Variants in IMPA2 observed in about 807,000 individuals in gnomAD.
IMPA2 encodes the protein IMP 2.
In IMPA2, 32 loss-of-function variants were observed where a neutral mutation model predicts 35.1. The ratio of observed to expected loss-of-function variants is 0.91; its 90% confidence interval spans 0.69 to 1.23. The LOEUF (loss-of-function observed/expected upper bound fraction) is 1.23. Among genes scored for constraint, IMPA2 ranks in the 50% most tolerant of loss-of-function variants. The pLI, the probability that IMPA2 is intolerant of heterozygous loss-of-function variation, is 0.00. For missense variants in IMPA2, 334 were observed against 387.6 expected, an observed-to-expected ratio of 0.86 and a Z score of 1.16; for synonymous variants, 135 against 160.6, an observed-to-expected ratio of 0.84 and a Z score of 1.20.
intron 5 of IMPA2, among the ~76,000 whole-genome samples, chr18:12,015,829 C>G (rs1285987599): frequency 6.6e-6 from 1 of 152,230 alleles, no homozygotes; most frequent in African/African-American, 2.4e-5. Context: ...TGCTACTAAG[C>G]ATGCTCGGGT....
At chr18:12,028,673 G>A (rs1303211371) in intron 6 of IMPA2, 169 bp from the exon 7 acceptor site, 3 of 755,546 alleles carry the variant, frequency 4.0e-6, no homozygotes, top group African/African-American at 1.8e-5. Flanking sequence ...AGGCCTGTTG[G>A]TTGGTGGCTC....
At chr18:12,024,185 TG>T (rs1415880593) in intron 5 of IMPA2, among the ~76,000 whole-genome samples, 2 of 152,220 alleles carry the variant, frequency 1.3e-5, no homozygotes, top group Non-Finnish European at 2.9e-5. Flanking sequence ...GTATATGAGA[TG>T]TTTTTATATT....
At position 11,981,548 on chromosome 18, in the gene IMPA2, A is replaced by G. The variant is rs1020293066; in HGVS notation, c.-122A>G. On this transcript the variant is annotated 5_prime_UTR_variant, in exon 1 of 8. Transcript: ENST00000269159. ...GCAGGTGTGGGACGGGCGGCGGACT[A>G]GGCACAGAGCTGCGGGAGCAGGCAC... 9 of 592,284 alleles carry G rather than the reference A, an allele frequency of 1.5e-5. No individual in the cohort carries two copies. The highest frequency in any genetic ancestry group is 8.8e-5 in the South Asian group (1 of 11,378). The allele number at this position is 592,284 out of a possible 1,614,324, so 36.7% of individuals were successfully genotyped here. A position where few individuals can be genotyped will look rare whatever the true frequency, so the allele number is the denominator to read the frequency against.
intron 1 of IMPA2, among the ~76,000 whole-genome samples, chr18:11,982,199 A>T (rs1352478856): frequency 6.6e-6 from 1 of 152,070 alleles, no homozygotes; most frequent in African/African-American, 2.4e-5. Flanking sequence ...CCTCAACCCA[A>T]ACTTACTCTG....
chr18:12,001,989 C>A (rs1907128624), intron 2 of IMPA2, among the ~76,000 whole-genome samples: 1 of 152,318 alleles, frequency 6.6e-6, no homozygotes, highest in African/African-American at 2.4e-5. Context: ...AGCAGCTGTT[C>A]TCTTCTCTGC....
chr18:11,997,863 T>G (rs1040552573), intron 1 of IMPA2, among the ~76,000 whole-genome samples: 1 of 152,232 alleles, frequency 6.6e-6, no homozygotes, highest in Admixed American at 6.5e-5. Context: ...ACCAAGTTGT[T>G]AAGACAGACA....
intron 5 of IMPA2, among the ~76,000 whole-genome samples, chr18:12,017,345 G>T (rs1445242604): frequency 6.6e-6 from 1 of 152,162 alleles, no homozygotes; most frequent in Admixed American, 6.5e-5. Flanking sequence ...CAGTACTTCA[G>T]CGTGTCTCCA....
chr18:12,001,228 C>T (rs780050000), intron 2 of IMPA2, among the ~76,000 whole-genome samples: 7 of 151,534 alleles, frequency 4.6e-5, no homozygotes, highest in African/African-American at 9.7e-5. Flanking sequence ...GACTCTGTCT[C>T]GAAAAATAAA....
intron 2 of IMPA2, among the ~76,000 whole-genome samples, chr18:12,005,755 C>T (rs1045129925): frequency 3.3e-5 from 5 of 152,154 alleles, no homozygotes; most frequent in African/African-American, 7.2e-5. Flanking sequence ...GGTGCTGCAG[C>T]GTGAGTTGTC....
At chr18:12,007,009 A>G (rs1234149411) in intron 2 of IMPA2, among the ~76,000 whole-genome samples, 1 of 152,224 alleles carries the variant, frequency 6.6e-6, no homozygotes, top group Non-Finnish European at 1.5e-5. Flanking sequence ...GCACGCCTGT[A>G]ATCCCAGCTA....
At chr18:11,990,689 C>T (rs1047104569) in intron 1 of IMPA2, among the ~76,000 whole-genome samples, 2 of 152,098 alleles carry the variant, frequency 1.3e-5, no homozygotes, top group African/African-American at 4.8e-5. Context: ...GCTCATGCAG[C>T]TGGCTGGCTC....
intron 7 of IMPA2, 56 bp downstream of exon 7, chr18:12,029,049 G>C: frequency 6.5e-7 from 1 of 1,534,960 alleles, no homozygotes; most frequent in South Asian, 1.2e-5. Context: ...GAGACACTGT[G>C]GGTGGGGCAC....
chr18:11,993,051 A>G (rs1176290220), intron 1 of IMPA2, among the ~76,000 whole-genome samples: 6 of 148,060 alleles, frequency 4.1e-5, no homozygotes, highest in Non-Finnish European at 8.9e-5. Context: ...AAGTCATTAG[A>G]TTTTCTCAGA....
intron 2 of IMPA2, 34 bp from the exon 3 acceptor site, chr18:12,009,849 G>T (rs1293753230): frequency 6.5e-7 from 1 of 1,532,060 alleles, no homozygotes; most frequent in Non-Finnish European, 9.0e-7. Flanking sequence ...TGTGTCCTTG[G>T]TGCATTTTCT....
At chr18:11,984,763 C>T (rs7407928) in intron 1 of IMPA2, among the ~76,000 whole-genome samples, 1 of 151,668 alleles carries the variant, frequency 6.6e-6, no homozygotes, top group Non-Finnish European at 1.5e-5. Flanking sequence ...GTCAGGAGAT[C>T]AAGACCATCC....
At chr18:11,994,235 G>A (rs541348781) in intron 1 of IMPA2, 1 of 152,230 alleles carries the variant, frequency 6.6e-6, no homozygotes, top group East Asian at 1.9e-4. Flanking sequence ...AATGATCCGG[G>A]TGTGGTGGTG....
chr18:12,014,177 G>A lies in IMPA2; in HGVS notation c.382-88G>A, dbSNP rs188275489. Reference sequence around the variant, plus strand: ...GTAATGTGTTATCCTAACGCCTAGCGCAGCCTTCATCTTTGAATAACAATG... The same window carrying A: ...GTAATGTGTTATCCTAACGCCTAGCACAGCCTTCATCTTTGAATAACAATG... On this transcript the variant is annotated intron_variant, in intron 4 of 7. Coordinates refer to ENST00000269159, the MANE Select transcript of IMPA2 (RefSeq NM_014214.3). 103 of 893,770 alleles carry A rather than the reference G, an allele frequency of 1.2e-4. No homozygotes were observed. In the African/African-American group the frequency reaches 1.5e-3, roughly 13 times the overall value. 55.4% of individuals were successfully genotyped at this position (893,770 alleles called of 1,614,324 possible).
chr18:12,011,085 G>C (rs976029089), intron 3 of IMPA2, among the ~76,000 whole-genome samples: 1 of 152,156 alleles, frequency 6.6e-6, no homozygotes, highest in Non-Finnish European at 1.5e-5. Context: ...ATGGTGACAT[G>C]GCAGGTGAAG....
chr18:12,011,633 A>G (rs1341440790), intron 3 of IMPA2, among the ~76,000 whole-genome samples: 1 of 152,264 alleles, frequency 6.6e-6, no homozygotes, highest in African/African-American at 2.4e-5. Flanking sequence ...GCAATAGCAG[A>G]ATCACAAAAC....
Sources: gnomAD v4.1 joint callset for allele counts (sites outside exome capture counted in the v4.1 genomes callset) on GRCh38, gnomAD v4.1.1 for gene constraint, MANE v1.5 for transcripts, NCBI Gene and HGNC (gene_info 2026-07-23, HGNC 2026-07-21) for gene names.